TMEM108: variants seen among roughly 807,000 people sequenced by gnomAD.
The protein encoded by TMEM108 is transmembrane protein 108.
Under a neutral mutation model 35.1 loss-of-function variants are expected in TMEM108, and 12 were observed. The observed-to-expected ratio is 0.34, with a 90% CI of 0.22 to 0.55. The LOEUF (loss-of-function observed/expected upper bound fraction) is 0.55, where lower values mean the gene tolerates loss of function less well. TMEM108 is among the 20% of genes least tolerant of loss of function. The pLI, the probability that TMEM108 is intolerant of heterozygous loss-of-function variation, is 0.89. For missense variants in TMEM108, 680 were observed against 753.3 expected (o/e 0.90, Z 1.14); for synonymous variants, 287 against 308.6 (o/e 0.93, Z 0.73).
intron 2 of TMEM108, among the ~76,000 whole-genome samples, chr3:133,188,425 C>CT (rs11391699): frequency 0.93 from 132,804 of 143,150 alleles, 62,113 homozygotes; most frequent in South Asian, 0.99. Context: ...TGTTTTGTTC[C>CT]TTTTTTTTTT....
intron 3 of TMEM108, among the ~76,000 whole-genome samples, chr3:133,261,757 G>A (rs1204834097): frequency 6.6e-6 from 1 of 152,188 alleles, no homozygotes; most frequent in Non-Finnish European, 1.5e-5. Flanking sequence ...TTCTTCAAAT[G>A]TCCTCACACA....
chr3:133,198,484 A>G (rs183968515), intron 2 of TMEM108, among the ~76,000 whole-genome samples: 121 of 152,284 alleles, frequency 7.9e-4, no homozygotes, highest in African/African-American at 2.8e-3. Context: ...GAATAATTCT[A>G]CTGACTGACA....
At chr3:133,337,926 A>G (rs1385177526) in intron 3 of TMEM108, among the ~76,000 whole-genome samples, 6 of 152,200 alleles carry the variant, frequency 3.9e-5, no homozygotes, top group African/African-American at 7.2e-5. Context: ...TGAAGAATGT[A>G]TCAGGGTCTT....
At chr3:133,136,633 G>A (rs1350997266) in intron 2 of TMEM108, among the ~76,000 whole-genome samples, 3 of 152,324 alleles carry the variant, frequency 2.0e-5, no homozygotes, top group Admixed American at 2.0e-4. Flanking sequence ...TGGTGTGTCA[G>A]CCTGAAACCT....
intron 2 of TMEM108, among the ~76,000 whole-genome samples, chr3:133,134,156 A>G (rs1346797025): frequency 6.6e-6 from 1 of 151,874 alleles, no homozygotes; most frequent in East Asian, 1.9e-4. Flanking sequence ...TGTGCATTCT[A>G]GTTATCTTTT....
At chr3:133,389,651 A>C (rs990586004) in intron 4 of TMEM108, 3 of 142,964 alleles carry the variant, frequency 2.1e-5, no homozygotes, top group African/African-American at 7.9e-5. Flanking sequence ...GCGCCACTGC[A>C]CTCCAGCCTG....
At chr3:133,197,254 G>A (rs1178026669) in intron 2 of TMEM108, among the ~76,000 whole-genome samples, 1 of 152,180 alleles carries the variant, frequency 6.6e-6, no homozygotes, top group African/African-American at 2.4e-5. Flanking sequence ...TACCTTTGGA[G>A]GGCTGGAGGA....
chr3:133,336,688 T>G (rs1030219949), intron 3 of TMEM108, among the ~76,000 whole-genome samples: 1 of 151,920 alleles, frequency 6.6e-6, no homozygotes, highest in Non-Finnish European at 1.5e-5. Context: ...AGGGACTTTG[T>G]CTTTCATCTT....
intron 2 of TMEM108, among the ~76,000 whole-genome samples, chr3:133,115,549 T>C (rs572093349): frequency 4.6e-5 from 7 of 152,246 alleles, no homozygotes; most frequent in South Asian, 2.1e-4. Context: ...GGTTATCTAC[T>C]TCCAAGCTTA....
chr3:133,132,711 C>T (rs932160844), intron 2 of TMEM108, among the ~76,000 whole-genome samples: 1 of 152,018 alleles, frequency 6.6e-6, no homozygotes, highest in African/African-American at 2.4e-5. Context: ...AAATTCATTT[C>T]ATAAGGCTAT....
At chr3:133,096,857 G>A (rs1428377941) in intron 2 of TMEM108, among the ~76,000 whole-genome samples, 1 of 152,178 alleles carries the variant, frequency 6.6e-6, no homozygotes, top group Non-Finnish European at 1.5e-5. Flanking sequence ...TGAGAGAATG[G>A]AGTTTTACAA....
intron 2 of TMEM108, among the ~76,000 whole-genome samples, chr3:133,095,824 C>G (rs888524732): frequency 6.6e-6 from 1 of 152,196 alleles, no homozygotes; most frequent in Non-Finnish European, 1.5e-5. Context: ...ATGCTCACCT[C>G]CTACTGTGTG....
At chr3:133,126,743 A>G (rs1223414188) in intron 2 of TMEM108, among the ~76,000 whole-genome samples, 2 of 152,174 alleles carry the variant, frequency 1.3e-5, no homozygotes, top group Non-Finnish European at 2.9e-5. Context: ...CTCCCCACAG[A>G]TACCAAAATC....
intron 2 of TMEM108, among the ~76,000 whole-genome samples, chr3:133,150,968 A>G (rs375770595): frequency 6.6e-6 from 1 of 152,020 alleles, no homozygotes; most frequent in African/African-American, 2.4e-5. Flanking sequence ...CATTATCCCA[A>G]TGTAAGTATA....
intron 2 of TMEM108, among the ~76,000 whole-genome samples, chr3:133,074,971 A>G (rs1160915349): frequency 6.6e-6 from 1 of 151,718 alleles, no homozygotes; most frequent in Non-Finnish European, 1.5e-5. Flanking sequence ...TAAAATATGT[A>G]TTGTGTTGTA....
chr3:133,254,444 C>T (rs759680085), intron 3 of TMEM108, among the ~76,000 whole-genome samples: 1 of 152,180 alleles, frequency 6.6e-6, no homozygotes, highest in Non-Finnish European at 1.5e-5. Context: ...TTGGTAACAC[C>T]TTCTGGGACC....
rs2072986224 is a variant in TMEM108, at chr3:133,380,706, G to A, written c.995G>A (p.Ser332Asn). 6.2e-7 allele frequency: 1 copy of A among 1,614,046 alleles called. No homozygotes were observed. The highest frequency in any genetic ancestry group is 1.7e-5 in the Admixed American group (1 of 60,000). The change falls in exon 4 of 6, where the codon AGT (serine) becomes AAT (asparagine). Residue 332 changes from serine to asparagine, a missense_variant. Ser to Asn is a conservative substitution (Grantham distance 46). Coordinates refer to ENST00000321871, the MANE Select transcript of TMEM108 (RefSeq NM_023943.4). This position sits in a 1 kb window ranked among gnomAD's most constrained non-coding sequence, Gnocchi z 5.3. Reference protein sequence around the residue: ...HGDPQDGPSHSDSWLTVTPGT... With the variant: ...HGDPQDGPSHNDSWLTVTPGT... The stretch of plus-strand genomic sequence containing the variant: ...GACCCACAGGATGGCCCCAGCCATA[G>A]TGACTCTTGGCTTACTGTTACCCCT...
intron 3 of TMEM108, among the ~76,000 whole-genome samples, chr3:133,339,810 T>C (rs1209431624): frequency 6.6e-6 from 1 of 151,850 alleles, no homozygotes; most frequent in African/African-American, 2.4e-5. Context: ...TTTAGGAAAC[T>C]ATACAAATGC....
intron 3 of TMEM108, among the ~76,000 whole-genome samples, chr3:133,372,262 A>G (rs1283888686): frequency 2.0e-5 from 3 of 152,080 alleles, no homozygotes; most frequent in Non-Finnish European, 4.4e-5. Context: ...AGTTTCCAGG[A>G]TTTCTTGGGC....
Sources: gnomAD v4.1 joint callset for allele counts (sites outside exome capture counted in the v4.1 genomes callset) on GRCh38, gnomAD v4.1.1 for gene constraint, Gnocchi (gnomAD v3.1) non-coding constraint, MANE v1.5 for transcripts, NCBI Gene and HGNC (gene_info 2026-07-23, HGNC 2026-07-21) for gene names.